Variants in LRRN1 observed in about 807,000 individuals in gnomAD.
LRRN1 encodes leucine-rich repeat neuronal protein 1.
A neutral mutation model predicts 45.8 loss-of-function variants in LRRN1; 14 were observed. That is an observed-to-expected ratio of 0.31 (90% CI 0.20 to 0.48). The LOEUF (loss-of-function observed/expected upper bound fraction) is 0.48. Ranked by LOEUF, LRRN1 falls within the 20% of genes least tolerant of loss-of-function variation. The pLI is 0.99. For synonymous variants in LRRN1, 359 were observed against 330.1 expected (o/e 1.09, Z -0.95); for missense variants, 789 against 874.2 (o/e 0.90, Z 1.23).
At chr3:3,833,522 T>C (rs1189374576) in intron 1 of LRRN1, among the ~76,000 whole-genome samples, 1 of 152,180 alleles carries the variant, frequency 6.6e-6, no homozygotes. Flanking sequence ...TTTATATAAT[T>C]AGAGAATTCA....
At position 3,844,711 on chromosome 3, in the gene LRRN1, G is replaced by C. The variant is rs140162397; in HGVS notation, c.70G>C (p.Glu24Gln). ...GGGCCTACTAATGACTTCATTAACC[G>C]AGTCTTCCATACAGAATAGTGAGTG... ...VLGLLMTSLT[E>Q]SSIQNSECPQ... The change falls in exon 2 of 2, where the codon GAG (glutamate) becomes CAG (glutamine). Residue 24 changes from glutamate (E) to glutamine (Q), a missense_variant. Physicochemically the swap from Glu to Gln is conservative, Grantham distance 29. Transcript: ENST00000319331. The C allele has an allele frequency of 1.9e-6, 3 of 1,613,948 alleles. No individual in the cohort carries two copies. The highest frequency in any genetic ancestry group is 2.7e-5 in the African/African-American group (2 of 74,904).
At chr3:3,823,859 G>A (rs1693160718) in intron 1 of LRRN1, among the ~76,000 whole-genome samples, 1 of 152,100 alleles carries the variant, frequency 6.6e-6, no homozygotes, top group South Asian at 2.1e-4. Flanking sequence ...TGCTTAATGG[G>A]TACCTTTAAG....
intron 1 of LRRN1, among the ~76,000 whole-genome samples, chr3:3,836,950 C>T (rs1216536397): frequency 6.6e-6 from 1 of 152,168 alleles, no homozygotes; most frequent in African/African-American, 2.4e-5. Context: ...GGGACTGGAC[C>T]AGTGCCCCTT....
At position 3,846,170 on chromosome 3, in the gene LRRN1, G is replaced by A. The variant is rs147499906; in HGVS notation, c.1529G>A (p.Arg510Gln). Residue 510 changes from arginine to glutamine, a missense_variant, in exon 2 of 2, where the codon CGG becomes CAG. Physicochemically the swap from Arg to Gln is conservative, Grantham distance 43. Transcript: ENST00000319331. The surrounding 1 kb of genome is among the most constrained non-coding windows in gnomAD (Gnocchi z 5.7). The part of the protein sequence containing the change: ...VAQNVQGADT[R>Q]VATIKVNGTL... The stretch of plus-strand genomic sequence containing the variant: ...CAGAATGTCCAAGGGGCAGACACTC[G>A]GGTGGCAACAATTAAGGTTAATGGG... The A allele has an allele frequency of 2.4e-5, 39 of 1,613,966 alleles. No homozygotes were observed. Among genetic ancestry groups the A allele is most frequent in the Middle Eastern group, 3.3e-4 (2 of 6,084 alleles).
At chr3:3,808,549 A>G (rs1561801) in intron 1 of LRRN1, among the ~76,000 whole-genome samples, 97,391 of 152,086 alleles carry the variant, frequency 0.64, 33,613 homozygotes, top group Non-Finnish European at 0.78. Context: ...TTCCAGGCAG[A>G]GCATTTTCAA....
At position 3,847,059 on chromosome 3, in the gene LRRN1, T is replaced by G; in HGVS notation, c.*267T>G. 3.9e-6 allele frequency: 1 copy of G among 255,252 alleles called. No individual in the cohort carries two copies. The highest frequency in any genetic ancestry group is 1.1e-4 in the South Asian group (1 of 9,262). 15.8% of individuals were successfully genotyped at this position (255,252 alleles called of 1,614,324 possible). A position where few individuals can be genotyped will look rare whatever the true frequency, so the allele number is the denominator to read the frequency against. The stretch of plus-strand genomic sequence containing the variant: ...TTATTATATTATTATTTTATTTTAG[T>G]TGTTGTGCTAAACTCAATAATGCTG... On this transcript the variant is annotated 3_prime_UTR_variant, in exon 2 of 2. Transcript: ENST00000319331.
chr3:3,814,184 T>G (rs1288986278), intron 1 of LRRN1, among the ~76,000 whole-genome samples: 1 of 147,144 alleles, frequency 6.8e-6, no homozygotes, highest in Non-Finnish European at 1.5e-5. Flanking sequence ...AGTTTCTCCC[T>G]ATCTAGTGTG....
rs1553563708 is a variant in LRRN1, at chr3:3,843,578, C to CG, written c.-278-786_-278-785insG. Among the ~76,000 whole-genome samples, 3 of 151,942 alleles carry CG rather than the reference C, an allele frequency of 2.0e-5. No individual in the cohort carries two copies. In the South Asian group the frequency reaches 6.3e-4, roughly 32 times the overall value. On this transcript the variant is annotated intron_variant, in intron 1 of 1. Coordinates refer to ENST00000319331, the MANE Select transcript of LRRN1 (RefSeq NM_020873.7). ...GCACCCTTCCCACTGTACCCCCCCCCATACCCCTGGCCATAGGCAACTACT... is the reference window on the plus strand; with the variant it reads ...GCACCCTTCCCACTGTACCCCCCCCCGATACCCCTGGCCATAGGCAACTACT...
chr3:3,834,609 A>ATATTTTATATACATTATATATATC (rs1268060872), intron 1 of LRRN1, among the ~76,000 whole-genome samples: 2 of 129,592 alleles, frequency 1.5e-5, no homozygotes, highest in African/African-American at 6.1e-5. Flanking sequence ...TTATATATAT[A>ATATTTTATATACATTATATATATC]ATATATGTAA....
intron 1 of LRRN1, among the ~76,000 whole-genome samples, chr3:3,815,850 T>C (rs910855449): frequency 6.6e-5 from 10 of 152,158 alleles, no homozygotes; most frequent in Non-Finnish European, 1.5e-4. Flanking sequence ...ATCCTAGACA[T>C]ATATGATTGC....
At chr3:3,818,797 AG>A (rs1278426661) in intron 1 of LRRN1, among the ~76,000 whole-genome samples, 1 of 152,194 alleles carries the variant, frequency 6.6e-6, no homozygotes, top group Non-Finnish European at 1.5e-5. Flanking sequence ...GTTAAGGAAC[AG>A]GTACCTCTGT....
At chr3:3,826,753 T>G (rs774527882) in intron 1 of LRRN1, among the ~76,000 whole-genome samples, 1 of 151,720 alleles carries the variant, frequency 6.6e-6, no homozygotes, top group Non-Finnish European at 1.5e-5. Context: ...AATCTAAGAG[T>G]CAGAAAGGGT....
At chr3:3,824,788 C>A (rs972180662) in intron 1 of LRRN1, among the ~76,000 whole-genome samples, 1 of 152,174 alleles carries the variant, frequency 6.6e-6, no homozygotes, top group African/African-American at 2.4e-5. Context: ...TTAGACAAAG[C>A]AAAGCAATGT....
At chr3:3,802,923 T>C (rs181043967) in intron 1 of LRRN1, among the ~76,000 whole-genome samples, 1 of 152,238 alleles carries the variant, frequency 6.6e-6, no homozygotes, top group Non-Finnish European at 1.5e-5. Flanking sequence ...GTGTAATCGT[T>C]ATTCTGCAAG....
At chr3:3,837,405 C>T (rs1054884446) in intron 1 of LRRN1, among the ~76,000 whole-genome samples, 1 of 152,068 alleles carries the variant, frequency 6.6e-6, no homozygotes, top group Non-Finnish European at 1.5e-5. Flanking sequence ...ACCTTCCCTT[C>T]AAGCACCATT....
intron 1 of LRRN1, among the ~76,000 whole-genome samples, chr3:3,842,155 T>C (rs1693665649): frequency 6.6e-6 from 1 of 152,198 alleles, no homozygotes; most frequent in Non-Finnish European, 1.5e-5. Flanking sequence ...AGTAAAAATA[T>C]GGTACTATTA....
intron 1 of LRRN1, among the ~76,000 whole-genome samples, chr3:3,843,658 A>T (rs1054143434): frequency 1.3e-5 from 2 of 151,764 alleles, no homozygotes; most frequent in African/African-American, 4.8e-5. Flanking sequence ...GTATATGTGG[A>T]ATCATAAAAT....
At chr3:3,811,901 C>T (rs1021848961) in intron 1 of LRRN1, among the ~76,000 whole-genome samples, 1 of 152,156 alleles carries the variant, frequency 6.6e-6, no homozygotes, top group Non-Finnish European at 1.5e-5. Flanking sequence ...AAAACAGGGG[C>T]TCAGACCAGA....
Position 3,847,383 on chromosome 3 carries a change from C to CTTTTTTT in LRRN1, c.*599_*605dup, listed in dbSNP as rs34173470. On this transcript the variant is annotated 3_prime_UTR_variant, in exon 2 of 2. Transcript: ENST00000319331. The stretch of plus-strand genomic sequence containing the variant: ...AAACAATGAATTTTCTTTTTCTTTC[C>CTTTTTTT]TTTTTTTTTTTTTTGTTGTAATAGT... The CTTTTTTT allele has an allele frequency of 6.5e-6, 1 of 152,676 alleles. No individual in the cohort carries two copies. Among genetic ancestry groups the CTTTTTTT allele is most frequent in the Non-Finnish European group, 1.6e-5 (1 of 64,114 alleles). The allele number at this position is 152,676 out of a possible 1,614,324, so 9.5% of individuals were successfully genotyped here.
Sources: gnomAD v4.1 joint callset for allele counts (sites outside exome capture counted in the v4.1 genomes callset) on GRCh38, gnomAD v4.1.1 for gene constraint, Gnocchi (gnomAD v3.1) non-coding constraint, MANE v1.5 for transcripts, NCBI Gene and HGNC (gene_info 2026-07-23, HGNC 2026-07-21) for gene names.